Variants in COL7A1 observed in about 807,000 individuals in gnomAD.
COL7A1 encodes the protein collagen alpha-1(VII) chain.
Under a neutral mutation model 456.2 loss-of-function variants are expected in COL7A1, and 296 were observed. The ratio of observed to expected loss-of-function variants is 0.65; its 90% CI spans 0.59 to 0.71. The LOEUF (loss-of-function observed/expected upper bound fraction) is 0.71, where lower values mean the gene tolerates loss of function less well. Among genes scored for constraint, COL7A1 ranks in the 30% least tolerant of loss-of-function variants. COL7A1 has a pLI of 0.00. For missense variants in COL7A1, 3,441 were observed against 4,017.2 expected, an observed-to-expected ratio of 0.86 and a Z score of 3.88; for synonymous variants, 1,464 against 1,525.9, an observed-to-expected ratio of 0.96 and a Z score of 0.95.
chr3:48,566,213 C>T lies in COL7A1; in HGVS notation c.8407+54G>A. ...CTGTAAGTTCTAGGGGCCTGCCTGC[C>T]CTTGCCTAGGGTGCTGGGGTGGAGT... On this transcript the variant is annotated intron_variant, in intron 114 of 118. Transcript: ENST00000681320. This position sits in a 1 kb window ranked among gnomAD's most constrained non-coding sequence, Gnocchi z 5.9. The T allele has an allele frequency of 6.4e-7, 1 of 1,565,594 alleles. No individual in the cohort carries two copies. The highest frequency in any genetic ancestry group is 8.7e-7 in the Non-Finnish European group (1 of 1,153,502).
rs2044168705 is a variant in COL7A1 at position 48,574,677 on chromosome 3, C to T, written c.6393G>A (p.Arg2131=). The part of the protein sequence containing the change: ...SNGDQGPKGD[R]GVPGIKGDRG... The stretch of plus-strand genomic sequence containing the variant: ...ATGGAAGGGTGGAGAGAGGCCTCAC[C>T]CTGTCTCCTTTGGGACCTTGGTCAC... The change falls in exon 78 of 119, where the codon AGG becomes AGA. Residue 2131 remains arginine, a splice_region_variant and synonymous_variant. Transcript: ENST00000681320. The surrounding 1 kb of genome is among the most constrained non-coding windows in gnomAD (Gnocchi z 5.0). 6.2e-7 allele frequency: 1 copy of T among 1,613,834 alleles called. No homozygotes were observed. Among genetic ancestry groups the T allele is most frequent in the African/African-American group, 1.3e-5 (1 of 74,924 alleles).
rs2044104444 is a variant in COL7A1 at position 48,573,905 on chromosome 3, C to G, written c.6502-15G>C. On this transcript the variant is annotated splice_polypyrimidine_tract_variant and intron_variant, in intron 80 of 118. Coordinates refer to ENST00000681320, the MANE Select transcript of COL7A1 (RefSeq NM_000094.4). This position sits in a 1 kb window ranked among gnomAD's most constrained non-coding sequence, Gnocchi z 5.5. ...CCCTGCAGACCCTACATAGAGAGGGCACTGATGAGCCTCAATCTGGGCCTC... is the reference window on the plus strand; with the variant it reads ...CCCTGCAGACCCTACATAGAGAGGGGACTGATGAGCCTCAATCTGGGCCTC... The G allele has an allele frequency of 1.2e-6, 2 of 1,612,754 alleles. No individual in the cohort carries two copies. Among genetic ancestry groups the G allele is most frequent in the Non-Finnish European group, 1.7e-6 (2 of 1,179,880 alleles).
At position 48,566,693 on chromosome 3, in the gene COL7A1, C is replaced by G; in HGVS notation, c.8271G>C (p.Gly2757=). The change falls in exon 112 of 119, where the codon GGG becomes GGC. Residue 2757 remains glycine (G), a synonymous_variant. Transcript: ENST00000681320. The surrounding 1 kb of genome is among the most constrained non-coding windows in gnomAD (Gnocchi z 5.9). ...PPGERVVGAP[G]VPGAPGERGE... ...CTCTCTCGCCAGGAGCTCCAGGGAC[C>G]CCAGGAGCCCCCACCACTCTCTCTC... The G allele has an allele frequency of 6.2e-7, 1 of 1,613,840 alleles. No individual in the cohort carries two copies. Among genetic ancestry groups the G allele is most frequent in the Non-Finnish European group, 8.5e-7 (1 of 1,179,930 alleles).
At position 48,565,707 on chromosome 3, in the gene COL7A1, G is replaced by A. The variant is rs1437380362; in HGVS notation, c.8408-39C>T. The A allele has an allele frequency of 6.3e-7, 1 of 1,583,562 alleles. No individual in the cohort carries two copies. The highest frequency in any genetic ancestry group is 2.3e-5 in the East Asian group (1 of 43,956). On this transcript the variant is annotated intron_variant, in intron 114 of 118. Coordinates refer to ENST00000681320, the MANE Select transcript of COL7A1 (RefSeq NM_000094.4). The surrounding 1 kb of genome is among the most constrained non-coding windows in gnomAD (Gnocchi z 4.5). ...AGAGGGATAGAGAGACAATGACAGA[G>A]AGAAGGATGGGAAGATGGAGAGACA...
Position 48,564,472 on chromosome 3 carries a change from A to G in COL7A1, c.8819-50T>C. ...TCGTCAGCCATCTGACCTTCCCCGG[A>G]GACGCTCAGGCAGAGGCACCGCCAA... On this transcript the variant is annotated intron_variant, in intron 118 of 118. Coordinates refer to ENST00000681320, the MANE Select transcript of COL7A1 (RefSeq NM_000094.4). The surrounding 1 kb of genome is among the most constrained non-coding windows in gnomAD (Gnocchi z 6.0). 1 of 1,611,446 alleles carries G rather than the reference A, an allele frequency of 6.2e-7. No homozygotes were observed. Among genetic ancestry groups the G allele is most frequent in the Non-Finnish European group, 8.5e-7 (1 of 1,178,478 alleles).
Position 48,590,153 on chromosome 3 carries a change from G to A in COL7A1, c.2050+60C>T, listed in dbSNP as rs931574158. On this transcript the variant is annotated intron_variant, in intron 16 of 118. Transcript: ENST00000681320. The surrounding 1 kb of genome is among the most constrained non-coding windows in gnomAD (Gnocchi z 4.6). The stretch of plus-strand genomic sequence containing the variant: ...GAGAAGCAAGGGTCTGCAAGGGAAG[G>A]CATGGGGGTCTGAAAGAGCAATGGA... 4 of 1,586,292 alleles carry A rather than the reference G, an allele frequency of 2.5e-6. No individual in the cohort carries two copies. Among genetic ancestry groups the A allele is most frequent in the Non-Finnish European group, 3.4e-6 (4 of 1,163,724 alleles).
chr3:48,584,662 AC>A lies in COL7A1; in HGVS notation c.4047+71del, dbSNP rs796713064. The A allele has an allele frequency of 5.0e-6, 8 of 1,612,804 alleles. No homozygotes were observed. The South Asian group carries it at 5.5e-5, about 11-fold the overall frequency. On this transcript the variant is annotated intron_variant, in intron 35 of 118. Coordinates refer to ENST00000681320, the MANE Select transcript of COL7A1 (RefSeq NM_000094.4). ...TTCCTATTCGCGCCTTAGGCCCTGC[AC>A]AGGGTCTGGTGTGGGGCAGTCCTGC...
rs1159441285 is a variant in COL7A1, at chr3:48,587,581, T to C, written c.2858-27A>G. On this transcript the variant is annotated intron_variant, in intron 22 of 118. Coordinates refer to ENST00000681320, the MANE Select transcript of COL7A1 (RefSeq NM_000094.4). The surrounding 1 kb of genome is among the most constrained non-coding windows in gnomAD (Gnocchi z 6.1). ...TGAAGGAGGAATGAAAGATCGAGGA[T>C]CAGAGGCTGAGTCCTGAGAACCCAG... The C allele has an allele frequency of 6.8e-6, 11 of 1,613,178 alleles. No individual in the cohort carries two copies. Among genetic ancestry groups the C allele is most frequent in the Non-Finnish European group, 9.3e-6 (11 of 1,180,014 alleles).
chr3:48,585,184 C>G lies in COL7A1; in HGVS notation c.3895-68G>C. 6.6e-7 allele frequency: 1 copy of G among 1,510,024 alleles called. No individual in the cohort carries two copies. Among genetic ancestry groups the G allele is most frequent in the Non-Finnish European group, 9.1e-7 (1 of 1,100,782 alleles). 93.5% of individuals were successfully genotyped at this position (1,510,024 alleles called of 1,614,324 possible). ...AAGGCCCCTGGTTTGCTGGAGGGGC[C>G]TCACCCCATCAACAAGGGGTCGCCT... On this transcript the variant is annotated intron_variant, in intron 32 of 118. Coordinates refer to ENST00000681320, the MANE Select transcript of COL7A1 (RefSeq NM_000094.4). This position sits in a 1 kb window ranked among gnomAD's most constrained non-coding sequence, Gnocchi z 4.5.
At position 48,583,242 on chromosome 3, in the gene COL7A1, G is replaced by A. The variant is rs2044915048; in HGVS notation, c.4438-71C>T. ...GGCGGGGCTTGAACGTCAAACCCCAGACAAGGGGTCCCAAACTCCAACCAC... is the reference window on the plus strand; with the variant it reads ...GGCGGGGCTTGAACGTCAAACCCCAAACAAGGGGTCCCAAACTCCAACCAC... On this transcript the variant is annotated intron_variant, in intron 42 of 118. Coordinates refer to ENST00000681320, the MANE Select transcript of COL7A1 (RefSeq NM_000094.4). This position sits in a 1 kb window ranked among gnomAD's most constrained non-coding sequence, Gnocchi z 5.1. 5 of 1,604,226 alleles carry A rather than the reference G, an allele frequency of 3.1e-6. No homozygotes were observed. The South Asian group carries it at 5.5e-5, about 18-fold the overall frequency.
Position 48,570,653 on chromosome 3 carries a change from G to T in COL7A1, c.7330C>A (p.Pro2444Thr). ...CCTCTACTCACCACTGACCCCGGTG[G>T]TCCAGGTGGCCCCAGGGGTCCTGGG... The part of the protein sequence containing the change: ...GIPGPLGPPG[P>T]PGSVGPPGAS... Residue 2444 changes from proline to threonine, a missense_variant, in exon 96 of 119, where the codon CCA (proline) becomes ACA (threonine). Physicochemically the swap from Pro to Thr is conservative, Grantham distance 38 (BLOSUM62 -1). Coordinates refer to ENST00000681320, the MANE Select transcript of COL7A1 (RefSeq NM_000094.4). The surrounding 1 kb of genome is among the most constrained non-coding windows in gnomAD (Gnocchi z 5.5). 1 of 1,599,822 alleles carries T rather than the reference G, an allele frequency of 6.3e-7. No homozygotes were observed. Among genetic ancestry groups the T allele is most frequent in the Non-Finnish European group, 8.5e-7 (1 of 1,172,396 alleles).
rs749586805 is a variant in COL7A1 at position 48,572,674 on chromosome 3, T to C, written c.6897A>G (p.Gly2299=). 2 of 1,604,352 alleles carry C rather than the reference T, an allele frequency of 1.2e-6. No individual in the cohort carries two copies. Among genetic ancestry groups the C allele is most frequent in the African/African-American group, 1.3e-5 (1 of 74,666 alleles). Residue 2299 remains glycine, a synonymous_variant, in exon 88 of 119, where the codon GGA becomes GGG. Coordinates refer to ENST00000681320, the MANE Select transcript of COL7A1 (RefSeq NM_000094.4). This position sits in a 1 kb window ranked among gnomAD's most constrained non-coding sequence, Gnocchi z 4.6. ...KGEPGPTGAP[G]QAVVGLPGAK... is the part of the protein sequence containing the mutation. Reference sequence around the variant, plus strand: ...GGAAGTCAGGGTCAAAGATCACCTGTCCAGGGGCCCCCGTGGGGCCAGGTT... The same window carrying C: ...GGAAGTCAGGGTCAAAGATCACCTGCCCAGGGGCCCCCGTGGGGCCAGGTT...
Position 48,572,916 on chromosome 3 carries a change from TG to T in COL7A1, c.6776del (p.Pro2259GlnfsTer129). The part of the protein sequence containing the change: ...QVGETGKPGA[P>X]GRDGASGKDG... ...CTTTTCCACTGGCACCATCTCGACC[TG>T]GGGCTCCCGGCTTCCCTGTCTCCCC... On this transcript the variant is annotated frameshift_variant, in exon 87 of 119. Coordinates refer to ENST00000681320, the MANE Select transcript of COL7A1 (RefSeq NM_000094.4). LOFTEE classifies it high-confidence loss of function. The surrounding 1 kb of genome is among the most constrained non-coding windows in gnomAD (Gnocchi z 4.6). 1 of 1,613,910 alleles carries T rather than the reference TG, an allele frequency of 6.2e-7. No individual in the cohort carries two copies. The highest frequency in any genetic ancestry group is 8.5e-7 in the Non-Finnish European group (1 of 1,179,980).
rs2044914156 is a variant in COL7A1, at chr3:48,583,237, C to T, written c.4438-66G>A. ...TTGGTGGCGGGGCTTGAACGTCAAA[C>T]CCCAGACAAGGGGTCCCAAACTCCA... is the stretch of plus-strand genomic sequence containing the variant. On this transcript the variant is annotated intron_variant, in intron 42 of 118. Transcript: ENST00000681320. This position sits in a 1 kb window ranked among gnomAD's most constrained non-coding sequence, Gnocchi z 5.1. The T allele has an allele frequency of 6.2e-7, 1 of 1,606,876 alleles. No individual in the cohort carries two copies.
rs1169178898 is a variant in COL7A1, at chr3:48,589,340, C to A, written c.2301G>T (p.Val767=). ...GGGTCCACTCACCAGTCCTCACAAC[C>A]ACAGAGGCAGGGGGCCCATCCACGC... ...VAGVDGPPAS[V]VVRTAPEPVG... The change falls in exon 18 of 119, where the codon GTG becomes GTT. Residue 767 remains valine (V), a synonymous_variant. Coordinates refer to ENST00000681320, the MANE Select transcript of COL7A1 (RefSeq NM_000094.4). 3 of 1,612,856 alleles carry A rather than the reference C, an allele frequency of 1.9e-6. No homozygotes were observed. Among genetic ancestry groups the A allele is most frequent in the Non-Finnish European group, 1.7e-6 (2 of 1,179,994 alleles).
At position 48,573,596 on chromosome 3, in the gene COL7A1, G is replaced by A. The variant is rs751327846; in HGVS notation, c.6574-39C>T. On this transcript the variant is annotated intron_variant, in intron 82 of 118. Coordinates refer to ENST00000681320, the MANE Select transcript of COL7A1 (RefSeq NM_000094.4). This position sits in a 1 kb window ranked among gnomAD's most constrained non-coding sequence, Gnocchi z 5.5. ...TCAAGGGCAGGGAACAGGGCTCAGG[G>A]ATTAACACAGAGAAGGCCTGGCTCA... 15 of 1,613,876 alleles carry A rather than the reference G, an allele frequency of 9.3e-6. No individual in the cohort carries two copies. The Admixed American group carries it at 2.2e-4, about 23-fold the overall frequency.
Position 48,592,810 on chromosome 3 carries a change from C to T in COL7A1, c.811G>A (p.Gly271Arg). 6.2e-7 allele frequency: 1 copy of T among 1,613,806 alleles called. No individual in the cohort carries two copies. Among genetic ancestry groups the T allele is most frequent in the Non-Finnish European group, 8.5e-7 (1 of 1,180,044 alleles). ...GYKVQYTPLTGLGQPLPSERQ... is the reference protein window; with the variant it reads ...GYKVQYTPLTRLGQPLPSERQ... ...TCACTCGGCAGTGGCTGTCCCAGCC[C>T]CGTCAGAGGAGTGTACTGGACCTTG... The change falls in exon 7 of 119, where the codon GGG becomes AGG. Residue 271 changes from glycine (G) to arginine (R), a missense_variant. This residue lies in a region of COL7A1 where 913 missense variants were observed against 1,088.2 expected (regional missense o/e 0.84). Coordinates refer to ENST00000681320, the MANE Select transcript of COL7A1 (RefSeq NM_000094.4). The surrounding 1 kb of genome is among the most constrained non-coding windows in gnomAD (Gnocchi z 7.6).
Position 48,575,284 on chromosome 3 carries a change from T to TGGCC in COL7A1, c.6181-43_6181-42insGGCC, listed in dbSNP as rs2044214137. 15 of 1,533,208 alleles carry TGGCC rather than the reference T, an allele frequency of 9.8e-6. No homozygotes were observed. Among genetic ancestry groups the TGGCC allele is most frequent in the Non-Finnish European group, 1.4e-5 (15 of 1,110,588 alleles). The allele number at this position is 1,533,208 out of a possible 1,614,324, so 95.0% of individuals were successfully genotyped here. ...GGGTGAGGGCCAAGCCCATGGGGGG[T>TGGCC]CCCACCCCTCCCAACCCCTCTTCCC... On this transcript the variant is annotated intron_variant, in intron 74 of 118. Transcript: ENST00000681320. This position sits in a 1 kb window ranked among gnomAD's most constrained non-coding sequence, Gnocchi z 6.3.
chr3:48,579,379 G>T lies in COL7A1; in HGVS notation c.5297C>A (p.Ala1766Glu). Residue 1766 changes from alanine to glutamate, a missense_variant, in exon 61 of 119, where the codon GCA (alanine) becomes GAA (glutamate). By Grantham distance (107) the Ala-to-Glu change is moderately radical. Coordinates refer to ENST00000681320, the MANE Select transcript of COL7A1 (RefSeq NM_000094.4). The surrounding 1 kb of genome is among the most constrained non-coding windows in gnomAD (Gnocchi z 4.4). Reference protein sequence around the residue: ...PQGDPGVRGPAGEKGDRGPPG... With the variant: ...PQGDPGVRGPEGEKGDRGPPG... ...CCCACACCCTCTCACCTTTTCTCCT[G>T]CTGGGCCTCGGACACCTGGGTCCCC... 1 of 1,614,136 alleles carries T rather than the reference G, an allele frequency of 6.2e-7. No individual in the cohort carries two copies. The highest frequency in any genetic ancestry group is 8.5e-7 in the Non-Finnish European group (1 of 1,180,032).
Sources: gnomAD v4.1 joint callset for allele counts on GRCh38, gnomAD v4.1.1 for gene constraint, gnomAD v4.1.1 regional missense constraint, Gnocchi (gnomAD v3.1) non-coding constraint, MANE v1.5 for transcripts, NCBI Gene and HGNC (gene_info 2026-07-23, HGNC 2026-07-21) for gene names.